Variants in ATP13A2 observed in about 807,000 individuals in gnomAD.
ATP13A2 encodes the protein ATPase cation transporting 13A2, also known as polyamine-transporting ATPase 13A2.
In ATP13A2, 83 loss-of-function variants were observed where a neutral mutation model predicts 138.3. The ratio of observed to expected loss-of-function variants is 0.60; its 90% CI spans 0.50 to 0.72. The LOEUF (loss-of-function observed/expected upper bound fraction) is 0.72. Ranked by LOEUF, ATP13A2 falls within the 30% of genes least tolerant of loss-of-function variation. The probability of loss-of-function intolerance (pLI) is 0.00; values close to 1 mark genes in which losing one functional copy is unlikely to be tolerated. For synonymous variants in ATP13A2, 663 were observed against 699.0 expected (o/e 0.95, Z 0.81); for missense variants, 1,402 against 1,606.4 (o/e 0.87, Z 2.17).
chr1:16,995,573 G>A lies in ATP13A2; in HGVS notation c.1542+403C>T, dbSNP rs1201483734. ...TGCGATTCTCCTGCCTCAGCCTCCCGAGTAGCTGGGATTACAAGCATGTGC... is the reference window on the plus strand; with the variant it reads ...TGCGATTCTCCTGCCTCAGCCTCCCAAGTAGCTGGGATTACAAGCATGTGC... On this transcript the variant is annotated intron_variant, in intron 15 of 28. Coordinates refer to ENST00000326735, the MANE Select transcript of ATP13A2 (RefSeq NM_022089.4). This position sits in a 1 kb window ranked among gnomAD's most constrained non-coding sequence, Gnocchi z 4.1. 2 of 334,654 alleles carry A rather than the reference G, an allele frequency of 6.0e-6. No individual in the cohort carries two copies. Among genetic ancestry groups the A allele is most frequent in the Admixed American group, 4.1e-5 (1 of 24,386 alleles). 20.7% of individuals were successfully genotyped at this position (334,654 alleles called of 1,614,324 possible).
chr1:16,988,281 G>A, intron 24 of ATP13A2, 41 bp downstream of exon 24: 1 of 1,614,148 alleles, frequency 6.2e-7, no homozygotes, highest in Non-Finnish European at 8.5e-7. Context: ...TGGCTGACCA[G>A]CCCTGCTGAG....
rs530039964 is a variant in ATP13A2, at chr1:16,988,332, T to C, written c.2752A>G (p.Met918Val). 1.2e-6 allele frequency: 2 copies of C among 1,614,170 alleles called. No homozygotes were observed. Among genetic ancestry groups the C allele is most frequent in the African/African-American group, 2.7e-5 (2 of 75,048 alleles). ...SSMASIECVP[M>V]VIREGRCSLD... ...CCCTGCCTGCCTTACCTGATGACCA[T>C]GGGCACGCACTCAATACTGGCCATG... Residue 918 changes from methionine (M) to valine (V), a missense_variant, in exon 24 of 29, where the codon ATG (methionine) becomes GTG (valine). Met to Val is a conservative substitution (Grantham distance 21). Transcript: ENST00000326735.
rs1222458237 is a variant in ATP13A2, at chr1:16,996,101, G to C, written c.1417C>G (p.Leu473Val). 1 of 1,613,990 alleles carries C rather than the reference G, an allele frequency of 6.2e-7. No individual in the cohort carries two copies. Among genetic ancestry groups the C allele is most frequent in the Non-Finnish European group, 8.5e-7 (1 of 1,180,058 alleles). Residue 473 changes from leucine to valine, a missense_variant, in exon 15 of 29, where the codon CTG (leucine) becomes GTG (valine). Leu to Val is a conservative substitution (Grantham distance 32). Transcript: ENST00000326735. ...DLVTVVVPPA[L>V]PAAMTVCTLY... ...GTGCACACAGTCATGGCAGCAGGCA[G>C]GGCAGGTGGCACCACCACGGTCACC...
intron 6 of ATP13A2, among the ~76,000 whole-genome samples, chr1:17,003,015 G>A (rs1301939755): frequency 1.3e-5 from 2 of 152,134 alleles, no homozygotes; most frequent in Admixed American, 1.3e-4. Context: ...TGTGTCCCGT[G>A]ACTGATAATG....
At chr1:16,999,008 C>G (rs547676848) in intron 11 of ATP13A2, among the ~76,000 whole-genome samples, 2 of 152,180 alleles carry the variant, frequency 1.3e-5, no homozygotes, top group South Asian at 4.1e-4. Context: ...ACCGCAGTCT[C>G]TCACTCTGGG....
At chr1:17,002,447 G>C in intron 6 of ATP13A2, 74 bp from the exon 7 acceptor site, 2 of 1,529,252 alleles carry the variant, frequency 1.3e-6, no homozygotes, top group South Asian at 2.3e-5. Flanking sequence ...GTGCAGGCTG[G>C]AGACTATGGG....
intron 11 of ATP13A2, among the ~76,000 whole-genome samples, chr1:16,999,380 CAAAAA>C (rs67969184): frequency 0.25 from 13,856 of 55,382 alleles, 784 homozygotes; most frequent in South Asian, 0.41. Flanking sequence ...AACTCCATCT[CAAAAA>C]AAAAAAAAAA....
chr1:16,992,744 A>G (rs2076981490), intron 16 of ATP13A2, among the ~76,000 whole-genome samples, 163 bp from the exon 17 acceptor site: 1 of 152,216 alleles, frequency 6.6e-6, no homozygotes, highest in Admixed American at 6.5e-5. Flanking sequence ...TTTGCTACTT[A>G]CAAGCTGTTG....
intron 11 of ATP13A2, among the ~76,000 whole-genome samples, chr1:16,999,549 G>A (rs1318013273): frequency 1.3e-5 from 2 of 152,208 alleles, no homozygotes; most frequent in Admixed American, 6.5e-5. Context: ...GATGATACGT[G>A]GTAACGGCCC....
Position 16,992,657 on chromosome 1 carries a change from C to T in ATP13A2, c.1750-76G>A. 3 of 1,476,898 alleles carry T rather than the reference C, an allele frequency of 2.0e-6. No homozygotes were observed. In the South Asian group the frequency reaches 3.4e-5, roughly 17 times the overall value. The allele number at this position is 1,476,898 out of a possible 1,614,324, so 91.5% of individuals were successfully genotyped here. A position where few individuals can be genotyped will look rare whatever the true frequency, so the allele number is the denominator to read the frequency against. ...AGATTTGAGCTAGACTCAGGGAAGA[C>T]TTCCTTCATGGGAGACTGAATGGTG... On this transcript the variant is annotated intron_variant, in intron 16 of 28. Transcript: ENST00000326735.
chr1:16,986,641 A>G lies in ATP13A2; in HGVS notation c.3236-9T>C. On this transcript the variant is annotated splice_polypyrimidine_tract_variant and intron_variant, in intron 27 of 28. Coordinates refer to ENST00000326735, the MANE Select transcript of ATP13A2 (RefSeq NM_022089.4). The surrounding 1 kb of genome is among the most constrained non-coding windows in gnomAD (Gnocchi z 6.9). ...GGCCACCAGGAAGGGCACTGGGAGC[A>G]GGAGAGTCTCTCAGGCAGGAGCCAC... The G allele has an allele frequency of 6.2e-7, 1 of 1,604,408 alleles. No individual in the cohort carries two copies. Among genetic ancestry groups the G allele is most frequent in the Middle Eastern group, 1.7e-4 (1 of 5,768 alleles).
rs779312019 is a variant in ATP13A2, at chr1:16,990,110, C to G, written c.2412+17G>C. On this transcript the variant is annotated intron_variant, in intron 21 of 28. Transcript: ENST00000326735. ...GTCACTGGGTGAGGTACAGCTGGAA[C>G]TCTGGGTTAGCCTCACCTTAACGCC... The G allele has an allele frequency of 6.2e-7, 1 of 1,614,186 alleles. No individual in the cohort carries two copies. The highest frequency in any genetic ancestry group is 1.7e-5 in the Admixed American group (1 of 60,030).
Position 17,004,716 on chromosome 1 carries a change from G to A in ATP13A2, c.453C>T (p.Ser151=), listed in dbSNP as rs55979991. 8.3e-4 allele frequency: 1,337 copies of A among 1,614,068 alleles called. 15 individuals are homozygous for A. In the African/African-American group the frequency reaches 0.016, roughly 19 times the overall value. The change falls in exon 5 of 29, where the codon AGC becomes AGT. Residue 151 remains serine, a synonymous_variant. Transcript: ENST00000326735. The surrounding 1 kb of genome is among the most constrained non-coding windows in gnomAD (Gnocchi z 4.1). ...AWKDTAQLHK[S]EEAVSVGQKR... ...CCTGTCCGACACTCACCGCCTCCTC[G>A]CTCTTGTGGAGCTGGGCCGTATCCT...
rs1222487351 is a variant in ATP13A2 at position 17,004,779 on chromosome 1, G to C, written c.390C>G (p.Ser130Arg). The C allele has an allele frequency of 5.0e-6, 8 of 1,613,920 alleles. No individual in the cohort carries two copies. In the East Asian group the frequency reaches 6.7e-5, roughly 13 times the overall value. Residue 130 changes from serine to arginine, a missense_variant, in exon 5 of 29, where the codon AGC becomes AGG. By Grantham distance (110) the Ser-to-Arg change is moderately radical. Coordinates refer to ENST00000326735, the MANE Select transcript of ATP13A2 (RefSeq NM_022089.4). The surrounding 1 kb of genome is among the most constrained non-coding windows in gnomAD (Gnocchi z 4.1). ...CTGGTACCGCCCCAACTGCCGCCTG[G>C]CTCCGGCCATCCTCTGCCTGGGACT... Reference protein sequence around the residue: ...SPQSQAEDGRSQAAVGAVPEG... With the variant: ...SPQSQAEDGRRQAAVGAVPEG...
chr1:17,001,142 G>T (rs752801348), intron 8 of ATP13A2, among the ~76,000 whole-genome samples: 4 of 151,944 alleles, frequency 2.6e-5, no homozygotes, highest in Non-Finnish European at 5.9e-5. Flanking sequence ...TTCCAGCCAG[G>T]TGCGGTGGCT....
In ATP13A2 at chr1:17,005,665, C is replaced by T; in HGVS notation, c.105+19G>A. ...ATTCACCCCCTGCAGCTTTTCCCCACCCCACTCTGCCCACTTACCACGGAT... is the reference window on the plus strand; with the variant it reads ...ATTCACCCCCTGCAGCTTTTCCCCATCCCACTCTGCCCACTTACCACGGAT... On this transcript the variant is annotated intron_variant, in intron 2 of 28. Transcript: ENST00000326735. 14 of 1,613,606 alleles carry T rather than the reference C, an allele frequency of 8.7e-6. No individual in the cohort carries two copies. The highest frequency in any genetic ancestry group is 1.3e-5 in the African/African-American group (1 of 75,056).
intron 6 of ATP13A2, among the ~76,000 whole-genome samples, chr1:17,003,369 C>A (rs894191032): frequency 3.3e-5 from 5 of 152,016 alleles, no homozygotes; most frequent in African/African-American, 1.2e-4. Flanking sequence ...AACAGCCTGG[C>A]CAACATGGTG....
In ATP13A2 at chr1:17,004,593, G is replaced by C; in HGVS notation, c.477+99C>G. On this transcript the variant is annotated intron_variant, in intron 5 of 28. Transcript: ENST00000326735. The surrounding 1 kb of genome is among the most constrained non-coding windows in gnomAD (Gnocchi z 4.1). ...AGCATCCTGGATGTTTGGGACAACA[G>C]AACTAAAAGGTGGTGGGAGAACATG... 1 of 1,608,526 alleles carries C rather than the reference G, an allele frequency of 6.2e-7. No homozygotes were observed. The highest frequency in any genetic ancestry group is 8.5e-7 in the Non-Finnish European group (1 of 1,176,272).
At chr1:16,988,597 T>G in intron 23 of ATP13A2, 123 bp from the exon 24 acceptor site, 1 of 1,003,948 alleles carries the variant, frequency 1.0e-6, no homozygotes, top group Non-Finnish European at 1.5e-6. Context: ...CAGGAGGCGC[T>G]CAGTGAATAG....
Sources: gnomAD v4.1 joint callset for allele counts (sites outside exome capture counted in the v4.1 genomes callset) on GRCh38, gnomAD v4.1.1 for gene constraint, Gnocchi (gnomAD v3.1) non-coding constraint, MANE v1.5 for transcripts, NCBI Gene and HGNC (gene_info 2026-07-23, HGNC 2026-07-21) for gene names.